RIMS1: variants seen among roughly 807,000 people sequenced by gnomAD.
The protein encoded by RIMS1 is regulating synaptic membrane exocytosis 1.
A neutral mutation model predicts 214.1 loss-of-function variants in RIMS1; 83 were observed. The observed-to-expected ratio is 0.39, with a 90% confidence interval of 0.32 to 0.47. The LOEUF (loss-of-function observed/expected upper bound fraction) is 0.47. Among genes scored for constraint, RIMS1 ranks in the 20% least tolerant of loss-of-function variants. RIMS1 has a pLI of 0.99. For missense variants in RIMS1, 2,050 were observed against 2,161.8 expected (o/e 0.95, Z 1.03); for synonymous variants, 793 against 786.8 (o/e 1.01, Z -0.13).
intron 29 of RIMS1, among the ~76,000 whole-genome samples, chr6:72,336,888 C>A (rs1253121637): frequency 6.6e-6 from 1 of 151,744 alleles, no homozygotes; most frequent in Non-Finnish European, 1.5e-5. Context: ...AGAGATTTAA[C>A]AAAATTCAGA....
At chr6:71,992,610 C>T (rs375957113) in intron 2 of RIMS1, among the ~76,000 whole-genome samples, 1 of 146,414 alleles carries the variant, frequency 6.8e-6, no homozygotes, top group African/African-American at 2.5e-5. Flanking sequence ...TTCTCCTTCT[C>T]CTTCTTCTTC....
intron 1 of RIMS1, among the ~76,000 whole-genome samples, chr6:71,949,241 T>C (rs1788731525): frequency 6.6e-6 from 1 of 152,188 alleles, no homozygotes; most frequent in African/African-American, 2.4e-5. Flanking sequence ...TATTAGGATG[T>C]ATAATTTTTG....
At chr6:72,344,047 G>T (rs2746207) in intron 29 of RIMS1, among the ~76,000 whole-genome samples, 68,635 of 151,446 alleles carry the variant, frequency 0.45, 16,076 homozygotes, top group Non-Finnish European at 0.51. Context: ...AAATTCTTAT[G>T]GTCCTTAGAC....
At chr6:72,301,573 C>G (rs1218197983) in intron 26 of RIMS1, among the ~76,000 whole-genome samples, 1 of 151,426 alleles carries the variant, frequency 6.6e-6, no homozygotes, top group Non-Finnish European at 1.5e-5. Context: ...ATTCTATAAA[C>G]AATACAGTAT....
chr6:71,894,829 A>G (rs1415046198), intron 1 of RIMS1, among the ~76,000 whole-genome samples: 1 of 152,246 alleles, frequency 6.6e-6, no homozygotes, highest in African/African-American at 2.4e-5. Context: ...TTCATGCAAT[A>G]TGTAAGTAAT....
At position 72,168,723 on chromosome 6, in the gene RIMS1, T is replaced by C. The variant is rs1273768094; in HGVS notation, c.472-10852T>C. 5.6e-3 allele frequency among the ~76,000 whole-genome samples: 10 copies of C among 1,794 alleles called. No homozygotes were observed. In the East Asian group the frequency reaches 0.29, roughly 53 times the overall value. 1.2% of individuals were successfully genotyped at this position (1,794 alleles called of 152,430 possible). A position where few individuals can be genotyped will look rare whatever the true frequency, so the allele number is the denominator to read the frequency against. ...AGCTGCTGATCACTAGTTTCAGGGT[T>C]TTTTTTTTTTTTTTTTTTTTCTAGT... On this transcript the variant is annotated intron_variant, in intron 4 of 33. Transcript: ENST00000521978.
intron 29 of RIMS1, among the ~76,000 whole-genome samples, chr6:72,338,881 GA>G (rs2096942901): frequency 6.6e-6 from 1 of 150,412 alleles, no homozygotes; most frequent in African/African-American, 2.5e-5. Context: ...GAGAGAGAGA[GA>G]GAGAGAAAGT....
At chr6:72,399,553 T>G (rs1191747613) in intron 33 of RIMS1, among the ~76,000 whole-genome samples, 3 of 152,134 alleles carry the variant, frequency 2.0e-5, no homozygotes, top group Non-Finnish European at 4.4e-5. Context: ...AAAAGAGAAG[T>G]GTGCAGACAC....
At chr6:71,893,348 G>A (rs912876022) in intron 1 of RIMS1, among the ~76,000 whole-genome samples, 10 of 150,190 alleles carry the variant, frequency 6.7e-5, no homozygotes, top group South Asian at 2.1e-4. Context: ...TAAATAGCTC[G>A]TACATGTTTT....
intron 26 of RIMS1, among the ~76,000 whole-genome samples, chr6:72,295,160 T>G (rs749512307): frequency 2.6e-5 from 4 of 151,764 alleles, no homozygotes; most frequent in Non-Finnish European, 5.9e-5. Flanking sequence ...TTTTATATCT[T>G]CCATTATTAT....
chr6:71,977,607 G>A (rs1797480411), intron 2 of RIMS1, among the ~76,000 whole-genome samples: 1 of 152,072 alleles, frequency 6.6e-6, no homozygotes, highest in Non-Finnish European at 1.5e-5. Flanking sequence ...AAACTATTTA[G>A]AAAGACTGCT....
chr6:72,178,347 G>A (rs899026220), intron 4 of RIMS1, among the ~76,000 whole-genome samples: 4 of 151,970 alleles, frequency 2.6e-5, no homozygotes, highest in Admixed American at 1.3e-4. Context: ...TACAGTTACA[G>A]TTTTTCCCCA....
intron 22 of RIMS1, among the ~76,000 whole-genome samples, chr6:72,274,100 G>A (rs892129171): frequency 6.6e-5 from 10 of 152,006 alleles, no homozygotes; most frequent in African/African-American, 2.2e-4. Context: ...CACTTAATAG[G>A]CGGATTCCAA....
intron 2 of RIMS1, among the ~76,000 whole-genome samples, chr6:71,987,836 G>T (rs1166473690): frequency 3.3e-5 from 5 of 152,198 alleles, no homozygotes; most frequent in African/African-American, 1.2e-4. Flanking sequence ...AGAGTTGCCT[G>T]TGGTGTGTCA....
intron 4 of RIMS1, among the ~76,000 whole-genome samples, chr6:72,149,030 A>G (rs770140664): frequency 4.6e-5 from 7 of 152,128 alleles, no homozygotes; most frequent in Non-Finnish European, 8.8e-5. Context: ...AGCTCCCTTT[A>G]TTCACAGGAC....
At chr6:72,294,490 G>GAACAAA (rs1232015796) in intron 26 of RIMS1, among the ~76,000 whole-genome samples, 2 of 151,790 alleles carry the variant, frequency 1.3e-5, no homozygotes, top group African/African-American at 2.4e-5. Context: ...TGATTGGTAA[G>GAACAAA]AACAAATATT....
intron 3 of RIMS1, among the ~76,000 whole-genome samples, chr6:72,097,416 A>G (rs947476441): frequency 2.0e-5 from 3 of 152,226 alleles, no homozygotes; most frequent in African/African-American, 7.2e-5. Flanking sequence ...TACCTGTGAG[A>G]ATTCATTTGG....
At chr6:71,992,496 T>C (rs960676653) in intron 2 of RIMS1, among the ~76,000 whole-genome samples, 5 of 149,896 alleles carry the variant, frequency 3.3e-5, no homozygotes, top group Non-Finnish European at 5.9e-5. Context: ...TTCCCTTCTT[T>C]TTCTTCTTCT....
intron 4 of RIMS1, among the ~76,000 whole-genome samples, chr6:72,105,227 G>A (rs568715802): frequency 3.3e-5 from 5 of 152,180 alleles, no homozygotes; most frequent in Admixed American, 6.5e-5. Context: ...AGCCACCACA[G>A]CAGTCTTTTT....
Sources: gnomAD v4.1 joint callset for allele counts (sites outside exome capture counted in the v4.1 genomes callset) on GRCh38, gnomAD v4.1.1 for gene constraint, MANE v1.5 for transcripts, NCBI Gene and HGNC (gene_info 2026-07-23, HGNC 2026-07-21) for gene names.